Variants in GRAMD2B observed in about 807,000 individuals in gnomAD.
The protein encoded by GRAMD2B is GRAM domain containing 2B, also known as GRAM domain-containing protein 2B.
A neutral mutation model predicts 59.2 loss-of-function variants in GRAMD2B; 41 were observed. That is an observed-to-expected ratio of 0.69 (90% CI 0.54 to 0.90). GRAMD2B has a LOEUF of 0.90. Ranked by LOEUF, GRAMD2B falls within the 40% of genes least tolerant of loss-of-function variation. The probability of loss-of-function intolerance (pLI) is 0.00; values close to 1 mark genes in which losing one functional copy is unlikely to be tolerated. For synonymous variants in GRAMD2B, 161 were observed against 182.7 expected, an observed-to-expected ratio of 0.88 and a Z score of 0.96; for missense variants, 424 against 500.5, an observed-to-expected ratio of 0.85 and a Z score of 1.46.
At chr5:126,466,094 A>C (rs1768321538) in intron 2 of GRAMD2B, among the ~76,000 whole-genome samples, 1 of 152,198 alleles carries the variant, frequency 6.6e-6, no homozygotes, top group Admixed American at 6.5e-5. Flanking sequence ...GGTAGAGACT[A>C]AAGTTGCTTT....
At chr5:126,447,633 C>G (rs1384936574) in intron 1 of GRAMD2B, among the ~76,000 whole-genome samples, 2 of 147,568 alleles carry the variant, frequency 1.4e-5, no homozygotes, top group African/African-American at 5.0e-5. Flanking sequence ...CACTGCACTC[C>G]AGCCTGGGCG....
rs114691238 is a variant in GRAMD2B at position 126,449,748 on chromosome 5, G to C, written c.84-15678G>C. ...ATAATACTTGGCATTTAAGCAAAGAGAATTTTCACGTGTGCTGCTGATGCC... is the reference window on the plus strand; with the variant it reads ...ATAATACTTGGCATTTAAGCAAAGACAATTTTCACGTGTGCTGCTGATGCC... On this transcript the variant is annotated intron_variant, in intron 1 of 13. Transcript: ENST00000285689. Among the ~76,000 whole-genome samples the C allele has an allele frequency of 8.3e-3, 1,269 of 152,258 alleles. 13 individuals are homozygous for C. The highest frequency in any genetic ancestry group is 0.068 in the Middle Eastern group (20 of 294).
chr5:126,492,559 A>T (rs1774143235), intron 13 of GRAMD2B, among the ~76,000 whole-genome samples: 1 of 151,694 alleles, frequency 6.6e-6, no homozygotes, highest in Admixed American at 6.6e-5. Context: ...CATGTATACA[A>T]AAAGTGCAAA....
In GRAMD2B at chr5:126,450,068, T is replaced by TC. The variant is rs1211816589; in HGVS notation, c.84-15356dup. 1.5e-4 allele frequency among the ~76,000 whole-genome samples: 23 copies of TC among 152,118 alleles called. No homozygotes were observed. The South Asian group carries it at 4.1e-3, about 27-fold the overall frequency. On this transcript the variant is annotated intron_variant, in intron 1 of 13. Transcript: ENST00000285689. Reference sequence around the variant, plus strand: ...CTGGCTTTTGATCTCTTTTTTTTTTTCCTCCTACATGAAACAGAAGACAGA... The same window carrying TC: ...CTGGCTTTTGATCTCTTTTTTTTTTTCCCTCCTACATGAAACAGAAGACAGA...
At chr5:126,418,723 A>G (rs1277203091), upstream of GRAMD2B, among the ~76,000 whole-genome samples, 2 of 152,232 alleles carry the variant, frequency 1.3e-5, no homozygotes, top group African/African-American at 4.8e-5. Flanking sequence ...AAATCATTCA[A>G]CAAAGGTAGC....
At chr5:126,371,349 A>T in exon 1 of GRAMD2B, 1 of 1,205,788 alleles carries the variant, frequency 8.3e-7, no homozygotes, top group Non-Finnish European at 1.1e-6. Flanking sequence ...CAAGGACTGT[A>T]CAAAGCTGAA....
chr5:126,488,950 T>G, intron 13 of GRAMD2B, 58 bp downstream of exon 13: 1 of 1,278,968 alleles, frequency 7.8e-7, no homozygotes, highest in Non-Finnish European at 1.1e-6. Context: ...TTGGTTGCCC[T>G]AGGTCAGGTC....
rs759429890 is a variant in GRAMD2B, at chr5:126,480,687, C to T, written c.715C>T (p.Arg239Cys). Residue 239 changes from arginine to cysteine, a missense_variant, in exon 8 of 14, where the codon CGC becomes TGC. Coordinates refer to ENST00000285689, the MANE Select transcript of GRAMD2B (RefSeq NM_023927.4). ...SSAENSFRAD[R>C]PSSLPLDFND... ...TGCTGAAAACAGTTTCCGAGCAGAC[C>T]GCCCTTCATCTCTGCCTCTGGTAAG... The T allele has an allele frequency of 2.2e-5, 36 of 1,613,928 alleles. No homozygotes were observed. In the South Asian group the frequency reaches 2.7e-4, roughly 12 times the overall value.
chr5:126,365,100 G>T (rs1754380848), intron 1 of GRAMD2B, among the ~76,000 whole-genome samples: 1 of 152,008 alleles, frequency 6.6e-6, no homozygotes, highest in African/African-American at 2.4e-5. Flanking sequence ...TGGTGGCTGA[G>T]GATTACAGAT....
At chr5:126,461,100 C>T (rs1231672972) in intron 1 of GRAMD2B, among the ~76,000 whole-genome samples, 4 of 152,276 alleles carry the variant, frequency 2.6e-5, no homozygotes, top group Non-Finnish European at 5.9e-5. Flanking sequence ...TTGGACTGAA[C>T]CACAGTGAAA....
At chr5:126,466,884 ACT>A (rs1468659825) in intron 2 of GRAMD2B, among the ~76,000 whole-genome samples, 1 of 151,944 alleles carries the variant, frequency 6.6e-6, no homozygotes, top group Non-Finnish European at 1.5e-5. Flanking sequence ...ATAATAATAC[ACT>A]CTCACAGGGC....
At chr5:126,473,594 C>T (rs1001837864) in intron 5 of GRAMD2B, among the ~76,000 whole-genome samples, 50 of 152,124 alleles carry the variant, frequency 3.3e-4, no homozygotes, top group African/African-American at 1.1e-3. Flanking sequence ...TGTTTATACA[C>T]ATATACCTCA....
chr5:126,400,534 T>A (rs111240658), intron 1 of GRAMD2B, among the ~76,000 whole-genome samples: 1 of 152,166 alleles, frequency 6.6e-6, no homozygotes, highest in Non-Finnish European at 1.5e-5. Context: ...TTTTACCATA[T>A]ACTTATCTTT....
chr5:126,425,246 T>C (rs1760408840), intron 1 of GRAMD2B, among the ~76,000 whole-genome samples: 1 of 152,146 alleles, frequency 6.6e-6, no homozygotes, highest in South Asian at 2.1e-4. Flanking sequence ...AACAGATGAA[T>C]GGATAAGAAA....
chr5:126,427,154 C>T lies in GRAMD2B; in HGVS notation c.83+3465C>T, dbSNP rs143457408. On this transcript the variant is annotated intron_variant, in intron 1 of 13. Coordinates refer to ENST00000285689, the MANE Select transcript of GRAMD2B (RefSeq NM_023927.4). ...TTATTTAAGTTCTGGGGTACCTGTG[C>T]ACAACGTGCAGGTTTATTACATAGG... is the stretch of plus-strand genomic sequence containing the variant. Among the ~76,000 whole-genome samples the T allele has an allele frequency of 3.0e-3, 462 of 152,290 alleles. 2 individuals are homozygous for T. The highest frequency in any genetic ancestry group is 5.0e-3 in the Non-Finnish European group (341 of 68,034).
chr5:126,448,013 C>A (rs1426427650), intron 1 of GRAMD2B, among the ~76,000 whole-genome samples: 1 of 148,940 alleles, frequency 6.7e-6, no homozygotes, highest in Non-Finnish European at 1.5e-5. Flanking sequence ...GCATGCACCA[C>A]CACATCCAGC....
At chr5:126,386,826 G>A (rs1756182570) in intron 1 of GRAMD2B, among the ~76,000 whole-genome samples, 1 of 152,144 alleles carries the variant, frequency 6.6e-6, no homozygotes, top group African/African-American at 2.4e-5. Context: ...TTGGAGGCTG[G>A]CAAGTTGGAG....
At chr5:126,387,359 G>A (rs752677505) in intron 1 of GRAMD2B, among the ~76,000 whole-genome samples, 21 of 151,692 alleles carry the variant, frequency 1.4e-4, no homozygotes, top group South Asian at 4.1e-4. Flanking sequence ...CATTGCTACT[G>A]GTTTATGAGG....
In GRAMD2B at chr5:126,413,831, A is replaced by T. The variant is rs112377856; in HGVS notation, c.125+42264A>T. Among the ~76,000 whole-genome samples the T allele has an allele frequency of 1.0e-2, 1,516 of 152,178 alleles. 39 individuals are homozygous for T. The highest frequency in any genetic ancestry group is 0.035 in the African/African-American group (1,460 of 41,522). On this transcript the variant is annotated intron_variant, in intron 1 of 8. Transcript: ENST00000506445. ...TAGTTAAGATTTCTCATTGAATTGA[A>T]CTTTTTATCCCTAATGATTCTATAA...
Sources: allele counts gnomAD v4.1 joint callset (sites outside exome capture counted in the v4.1 genomes callset), GRCh38; gene constraint gnomAD v4.1.1; transcripts MANE v1.5; gene names NCBI Gene and HGNC (gene_info 2026-07-23, HGNC 2026-07-21).